Variants in CALCR observed in about 807,000 individuals in gnomAD.
CALCR encodes the protein calcitonin receptor.
A neutral mutation model predicts 59.5 loss-of-function variants in CALCR; 47 were observed. The observed-to-expected ratio is 0.79, with a 90% confidence interval of 0.63 to 1.01. The LOEUF (loss-of-function observed/expected upper bound fraction) is 1.01. Ranked by LOEUF, CALCR falls within the 50% of genes least tolerant of loss-of-function variation. The pLI is 0.00. For synonymous variants in CALCR, 213 were observed against 211.3 expected, an observed-to-expected ratio of 1.01 and a Z score of -0.07; for missense variants, 566 against 597.1, an observed-to-expected ratio of 0.95 and a Z score of 0.54.
chr7:93,529,624 A>G (rs1416474837), intron 2 of CALCR, among the ~76,000 whole-genome samples: 1 of 152,102 alleles, frequency 6.6e-6, no homozygotes. Flanking sequence ...ATAGCTTTTC[A>G]TTTGTCTTTA....
At position 93,480,934 on chromosome 7, in the gene CALCR, T is replaced by G. The variant is rs538574446; in HGVS notation, c.52-1427A>C. Among the ~76,000 whole-genome samples the G allele has an allele frequency of 3.3e-5, 5 of 151,924 alleles. No homozygotes were observed. The East Asian group carries it at 9.8e-4, about 30-fold the overall frequency. On this transcript the variant is annotated intron_variant, in intron 3 of 13. Coordinates refer to ENST00000426151, the MANE Select transcript of CALCR (RefSeq NM_001742.4). ...CATCTTGCCTGAAGGGGAGCATATT[T>G]GAGGGTAAGAAGGTCAGGACTTTGC... is the stretch of plus-strand genomic sequence containing the variant.
At chr7:93,567,364 C>G (rs1221681523) in intron 2 of CALCR, among the ~76,000 whole-genome samples, 1 of 151,916 alleles carries the variant, frequency 6.6e-6, no homozygotes, top group Non-Finnish European at 1.5e-5. Context: ...AAGAGAGGGT[C>G]TCCTGGATGT....
At chr7:93,475,789 GA>G (rs1396271845) in intron 5 of CALCR, among the ~76,000 whole-genome samples, 2 of 151,722 alleles carry the variant, frequency 1.3e-5, no homozygotes, top group Non-Finnish European at 2.9e-5. Flanking sequence ...TTCAATACTT[GA>G]AGAAAGGATT....
chr7:93,571,568 AAGCAG>A (rs1292041862), intron 2 of CALCR, among the ~76,000 whole-genome samples: 3 of 152,078 alleles, frequency 2.0e-5, no homozygotes, highest in Non-Finnish European at 4.4e-5. Flanking sequence ...AGTCAAACTC[AAGCAG>A]AGCTGTGCCA....
chr7:93,547,457 T>C (rs1789320466), intron 2 of CALCR, among the ~76,000 whole-genome samples: 1 of 152,196 alleles, frequency 6.6e-6, no homozygotes, highest in African/African-American at 2.4e-5. Context: ...ATTAGAAGCA[T>C]ACTATTTAAT....
At chr7:93,562,769 A>G (rs533046153) in intron 2 of CALCR, among the ~76,000 whole-genome samples, 1 of 152,322 alleles carries the variant, frequency 6.6e-6, no homozygotes, top group African/African-American at 2.4e-5. Flanking sequence ...TCTTCAATAA[A>G]GAATATCCTA....
chr7:93,552,989 T>C (rs995657456), intron 2 of CALCR, among the ~76,000 whole-genome samples: 3 of 152,180 alleles, frequency 2.0e-5, no homozygotes, highest in African/African-American at 7.2e-5. Flanking sequence ...TCTATGGCAA[T>C]GGTAAAACAA....
chr7:93,501,332 CTTGCCAGTTCACGT>C (rs1374069401), intron 2 of CALCR, among the ~76,000 whole-genome samples: 3 of 152,034 alleles, frequency 2.0e-5, no homozygotes, highest in African/African-American at 7.2e-5. Flanking sequence ...TATGACTCAC[CTTGCCAGTTCACGT>C]TTAAAAAATT....
intron 2 of CALCR, among the ~76,000 whole-genome samples, chr7:93,488,399 C>A (rs1800995636): frequency 6.6e-6 from 1 of 151,394 alleles, no homozygotes; most frequent in Non-Finnish European, 1.5e-5. Context: ...CAAATTCACA[C>A]ATAAGAATGC....
chr7:93,495,868 A>G (rs1801189898), intron 2 of CALCR: 2 of 1,522,922 alleles, frequency 1.3e-6, no homozygotes, highest in Non-Finnish European at 1.8e-6. Flanking sequence ...GGACAACCGA[A>G]TCTATACTGG....
At chr7:93,495,353 A>G (rs1801176454) in intron 2 of CALCR, among the ~76,000 whole-genome samples, 1 of 151,362 alleles carries the variant, frequency 6.6e-6, no homozygotes. Context: ...TCACTCTTGC[A>G]ACCCAAGAAC....
intron 2 of CALCR, among the ~76,000 whole-genome samples, chr7:93,525,346 A>G (rs984489399): frequency 1.3e-5 from 2 of 152,198 alleles, no homozygotes; most frequent in East Asian, 3.8e-4. Context: ...TTGGTGTAAC[A>G]GAAGTTGCTA....
At chr7:93,513,910 C>A (rs1801601113) in intron 2 of CALCR, among the ~76,000 whole-genome samples, 1 of 151,594 alleles carries the variant, frequency 6.6e-6, no homozygotes, top group Non-Finnish European at 1.5e-5. Flanking sequence ...TATTTCATTT[C>A]CAAAAATTAT....
intron 2 of CALCR, among the ~76,000 whole-genome samples, chr7:93,557,244 C>T (rs1243950878): frequency 6.6e-6 from 1 of 151,746 alleles, no homozygotes; most frequent in Non-Finnish European, 1.5e-5. Flanking sequence ...AATAAGAGTA[C>T]ACATCTGATA....
intron 3 of CALCR, among the ~76,000 whole-genome samples, chr7:93,483,568 T>C (rs1800855012): frequency 6.6e-6 from 1 of 151,038 alleles, no homozygotes; most frequent in African/African-American, 2.4e-5. Flanking sequence ...AAATAACACA[T>C]ATACAAATTT....
At chr7:93,429,918 TTTTTTTTGTTTGTTTG>T (rs1218283763) in intron 13 of CALCR, among the ~76,000 whole-genome samples, 1 of 86,338 alleles carries the variant, frequency 1.2e-5, no homozygotes, top group Non-Finnish European at 2.3e-5. Context: ...TAGACGGTTT[TTTTTTTTGTTTGTTTG>T]TTTTTTTGTT....
intron 13 of CALCR, among the ~76,000 whole-genome samples, chr7:93,427,152 A>C (rs1364201913): frequency 6.6e-6 from 1 of 152,214 alleles, no homozygotes; most frequent in Non-Finnish European, 1.5e-5. Flanking sequence ...TTTCTTTTGA[A>C]AGACTTCTAA....
chr7:93,519,719 G>A (rs774135518), intron 2 of CALCR, among the ~76,000 whole-genome samples: 10 of 152,000 alleles, frequency 6.6e-5, no homozygotes, highest in Non-Finnish European at 1.5e-4. Context: ...GACCTGGTGG[G>A]AGGTGATTAA....
chr7:93,481,263 T>G (rs1393893585), intron 3 of CALCR, among the ~76,000 whole-genome samples: 3 of 151,714 alleles, frequency 2.0e-5, no homozygotes, highest in African/African-American at 7.3e-5. Flanking sequence ...GTGAAGGTTG[T>G]GAAAGGAGAA....
Sources: allele counts gnomAD v4.1 joint callset (sites outside exome capture counted in the v4.1 genomes callset), GRCh38; gene constraint gnomAD v4.1.1; transcripts MANE v1.5; gene names NCBI Gene and HGNC (gene_info 2026-07-23, HGNC 2026-07-21).